RGS3: variants seen among roughly 807,000 people sequenced by gnomAD.
The protein encoded by RGS3 is regulator of G-protein signalling 3.
In RGS3, 80 loss-of-function variants were observed where a neutral mutation model predicts 132.6. The observed-to-expected ratio is 0.60, with a 90% confidence interval of 0.50 to 0.73. The LOEUF is 0.73. Among genes scored for constraint, RGS3 ranks in the 30% least tolerant of loss-of-function variants. The probability of loss-of-function intolerance (pLI) is 0.00; values close to 1 mark genes in which losing one functional copy is unlikely to be tolerated. For synonymous variants in RGS3, 598 were observed against 620.6 expected (o/e 0.96, Z 0.54); for missense variants, 1,382 against 1,530.8 (o/e 0.90, Z 1.62).
chr9:113,586,984 A>C (rs541942086), intron 20 of RGS3, among the ~76,000 whole-genome samples: 1 of 152,342 alleles, frequency 6.6e-6, no homozygotes, highest in South Asian at 2.1e-4. Context: ...GGAGAAGAGC[A>C]GTAACCAGGG....
chr9:113,580,827 G>A (rs1834761396), intron 19 of RGS3: 1 of 985,760 alleles, frequency 1.0e-6, no homozygotes. Flanking sequence ...TTTCCCCAAG[G>A]GGTGGGCGGG....
intron 16 of RGS3, among the ~76,000 whole-genome samples, chr9:113,519,843 A>G (rs777328007): frequency 6.6e-6 from 1 of 152,152 alleles, no homozygotes; most frequent in Non-Finnish European, 1.5e-5. Flanking sequence ...CGCACCGTGA[A>G]CTACCCTCAT....
At chr9:113,536,894 G>A (rs766711924) in exon 19 of RGS3, 2 of 1,614,110 alleles carry the variant, frequency 1.2e-6, no homozygotes, top group Non-Finnish European at 1.7e-6. Flanking sequence ...AGCAACAGCT[G>A]GCAGCATCAC....
chr9:113,479,507 C>T (rs1830093643), exon 4 of RGS3: 1 of 1,614,186 alleles, frequency 6.2e-7, no homozygotes, highest in Non-Finnish European at 8.5e-7. Flanking sequence ...TGAGGCTGTC[C>T]ATTGATGCCC....
At position 113,540,944 on chromosome 9, in the gene RGS3, A is replaced by G. The variant is rs542858976; in HGVS notation, c.2037+4026A>G. ...CAAGAGGAGCTCTGAACTAGCCGCT[A>G]TCGTTCTCACTGTCATGGTTTTAAA... On this transcript the variant is annotated intron_variant, in intron 19 of 24. Transcript: ENST00000350696. 5.9e-5 allele frequency among the ~76,000 whole-genome samples: 9 copies of G among 152,350 alleles called. No individual in the cohort carries two copies. The East Asian group carries it at 9.6e-4, about 16-fold the overall frequency.
At position 113,478,225 on chromosome 9, in the gene RGS3, T is replaced by G. The variant is rs192128805; in HGVS notation, c.416-1266T>G. 2.7e-3 allele frequency among the ~76,000 whole-genome samples: 411 copies of G among 152,254 alleles called. 5 individuals are homozygous for G. The highest frequency in any genetic ancestry group is 9.1e-3 in the African/African-American group (379 of 41,544). ...TCCCCTCCCTCCCTGTTCTCCTCCC[T>G]TCCTCCCTGCTCTTTCTCTTCCTCC... On this transcript the variant is annotated intron_variant, in intron 3 of 24. Coordinates refer to ENST00000350696, the Ensembl canonical transcript of RGS3.
intron 20 of RGS3, among the ~76,000 whole-genome samples, chr9:113,587,337 A>G (rs902508783): frequency 1.3e-5 from 2 of 152,174 alleles, no homozygotes; most frequent in African/African-American, 4.8e-5. Flanking sequence ...CTGATGGGCC[A>G]CTATTCCTAG....
rs1169450163 is a variant in RGS3, at chr9:113,591,386, G to A, written c.3069G>A (p.Lys1023=). ...ATGACGAAGCCTCCCGGAAGAGAAA[G>A]AGCAAAAACCTGTACGTTGGGAAGA... Residue 1023 remains lysine (K), a synonymous_variant, in exon 21 of 25, where the codon AAG becomes AAA. Transcript: ENST00000350696. The surrounding 1 kb of genome is among the most constrained non-coding windows in gnomAD (Gnocchi z 4.4). The A allele has an allele frequency of 1.2e-6, 2 of 1,613,662 alleles. No individual in the cohort carries two copies. Among genetic ancestry groups the A allele is most frequent in the South Asian group, 2.2e-5 (2 of 91,086 alleles).
exon 25 of RGS3, chr9:113,597,719 G>C (rs1015286422): frequency 1.3e-5 from 2 of 152,322 alleles, no homozygotes; most frequent in South Asian, 2.1e-4. Context: ...TAAAAGGCCT[G>C]TGTTATTTCT....
intron 7 of RGS3, among the ~76,000 whole-genome samples, chr9:113,494,182 T>C (rs1373251593): frequency 6.6e-6 from 1 of 152,046 alleles, no homozygotes; most frequent in African/African-American, 2.4e-5. Flanking sequence ...TGTGGCACAA[T>C]AAAAGTCCTT....
intron 17 of RGS3, among the ~76,000 whole-genome samples, chr9:113,528,649 A>G (rs568861411): frequency 6.6e-6 from 1 of 152,224 alleles, no homozygotes; most frequent in South Asian, 2.1e-4. Flanking sequence ...AATGGTTGCA[A>G]CTGGGATCCT....
At chr9:113,523,807 T>TA (rs1832077902) in intron 17 of RGS3, among the ~76,000 whole-genome samples, 1 of 152,152 alleles carries the variant, frequency 6.6e-6, no homozygotes, top group Admixed American at 6.5e-5. Context: ...AGGAAAATAT[T>TA]ACCCAGTGAA....
At position 113,565,282 on chromosome 9, in the gene RGS3, G is replaced by A. The variant is rs1368947117; in HGVS notation, c.2038-18168G>A. The A allele has an allele frequency of 7.8e-7, 1 of 1,289,642 alleles. No individual in the cohort carries two copies. Among genetic ancestry groups the A allele is most frequent in the East Asian group, 5.6e-5 (1 of 18,008 alleles). The allele number at this position is 1,289,642 out of a possible 1,614,324, so 79.9% of individuals were successfully genotyped here. A position where few individuals can be genotyped will look rare whatever the true frequency, so the allele number is the denominator to read the frequency against. ...ACTCCATCTCGGATGAAAGTGCTTTGAGAAACCACAGAGTTTTCTGTTTAA... is the reference window on the plus strand; with the variant it reads ...ACTCCATCTCGGATGAAAGTGCTTTAAGAAACCACAGAGTTTTCTGTTTAA... On this transcript the variant is annotated intron_variant, in intron 19 of 24. Coordinates refer to ENST00000350696, the Ensembl canonical transcript of RGS3. The surrounding 1 kb of genome is among the most constrained non-coding windows in gnomAD (Gnocchi z 5.7).
intron 18 of RGS3, among the ~76,000 whole-genome samples, chr9:113,535,927 C>G (rs1832659268): frequency 6.6e-6 from 1 of 152,176 alleles, no homozygotes; most frequent in South Asian, 2.1e-4. Flanking sequence ...AGGGGTGGCT[C>G]TCTGGGTCCT....
intron 10 of RGS3, 102 bp from the exon 9 acceptor site, chr9:113,505,340 G>C (rs956080620): frequency 1.1e-5 from 10 of 947,598 alleles, no homozygotes; most frequent in African/African-American, 1.6e-5. Flanking sequence ...CCCTTGGAGA[G>C]GAGGGTGGCT....
chr9:113,557,421 C>T (rs894558995), intron 19 of RGS3, among the ~76,000 whole-genome samples: 15 of 152,230 alleles, frequency 9.9e-5, no homozygotes, highest in African/African-American at 3.1e-4. Flanking sequence ...AGTAGGATCA[C>T]GTGCCCATTC....
At chr9:113,478,356 A>G (rs1007476293) in intron 3 of RGS3, among the ~76,000 whole-genome samples, 1 of 152,130 alleles carries the variant, frequency 6.6e-6, no homozygotes, top group South Asian at 2.1e-4. Context: ...TTAAAACAAC[A>G]ATTGTGATAG....
chr9:113,510,150 A>C (rs898077044), intron 14 of RGS3, among the ~76,000 whole-genome samples: 1 of 150,548 alleles, frequency 6.6e-6, no homozygotes, highest in Non-Finnish European at 1.5e-5. Flanking sequence ...TTGCGTCCTC[A>C]TAGCTTAGCT....
At chr9:113,581,026 G>GGGC in intron 19 of RGS3, 2 of 927,926 alleles carry the variant, frequency 2.2e-6, no homozygotes, top group Non-Finnish European at 2.6e-6. Flanking sequence ...GGGCCAGGGG[G>GGGC]TGGGTCGGGG....
Sources: gnomAD v4.1 joint callset for allele counts (sites outside exome capture counted in the v4.1 genomes callset) on GRCh38, gnomAD v4.1.1 for gene constraint, Gnocchi (gnomAD v3.1) non-coding constraint, MANE v1.5 for transcripts, NCBI Gene and HGNC (gene_info 2026-07-23, HGNC 2026-07-21) for gene names.